Variants in GRM8 observed in about 807,000 individuals in gnomAD.
The protein encoded by GRM8 is metabotropic glutamate receptor 8.
In GRM8, 47 loss-of-function variants were observed where a neutral mutation model predicts 87.2. That is an observed-to-expected ratio of 0.54 (90% CI 0.43 to 0.69). GRM8 has a LOEUF of 0.69. GRM8 is among the 30% of genes least tolerant of loss of function. GRM8 has a pLI of 0.00. For synonymous variants in GRM8, 396 were observed against 404.5 expected (o/e 0.98, Z 0.25); for missense variants, 1,019 against 1,139.2 (o/e 0.89, Z 1.52).
intron 3 of GRM8, among the ~76,000 whole-genome samples, chr7:127,053,798 A>AGGGGGG (rs33927872): frequency 5.7e-5 from 6 of 104,400 alleles, no homozygotes; most frequent in Non-Finnish European, 9.2e-5. Flanking sequence ...AAAAAAAAAA[A>AGGGGGG]GGGGGGGGGG....
In GRM8 at chr7:127,029,661, CT is replaced by C. The variant is rs5887322; in HGVS notation, c.727+76834del. Among the ~76,000 whole-genome samples the C allele has an allele frequency of 7.4e-5, 11 of 148,602 alleles. No homozygotes were observed. The East Asian group carries it at 1.4e-3, about 19-fold the overall frequency. On this transcript the variant is annotated intron_variant, in intron 3 of 10. Coordinates refer to ENST00000339582, the MANE Select transcript of GRM8 (RefSeq NM_000845.3). ...TCAGAGACCAGGATTGCAACCTCTG[CT>C]TTTTTTTTTCTTTCCATTTGCTTGG...
intron 1 of GRM8, among the ~76,000 whole-genome samples, chr7:127,249,483 A>G (rs7777222): frequency 0.18 from 27,788 of 152,158 alleles, 2,867 homozygotes; most frequent in Middle Eastern, 0.36. Context: ...GCCAGAGCAG[A>G]GAGCTAGGAG....
intron 8 of GRM8, among the ~76,000 whole-genome samples, chr7:126,586,114 C>A (rs1585130878): frequency 6.6e-6 from 1 of 151,972 alleles, no homozygotes; most frequent in East Asian, 1.9e-4. Flanking sequence ...CCTAGGAATC[C>A]AACTTACAAG....
chr7:126,709,298 C>T (rs1338442398), intron 7 of GRM8, among the ~76,000 whole-genome samples: 1 of 152,080 alleles, frequency 6.6e-6, no homozygotes. Context: ...TAGCTCATGC[C>T]TGTAATCCCA....
chr7:127,012,028 A>C (rs1256276400), intron 3 of GRM8, among the ~76,000 whole-genome samples: 1 of 152,186 alleles, frequency 6.6e-6, no homozygotes, highest in Non-Finnish European at 1.5e-5. Context: ...ATTTGGTGTC[A>C]AAGAGACTGA....
At chr7:127,015,053 A>G (rs1481279501) in intron 3 of GRM8, among the ~76,000 whole-genome samples, 1 of 124,832 alleles carries the variant, frequency 8.0e-6, no homozygotes, top group South Asian at 2.8e-4. Context: ...GAAGAAGAAG[A>G]AGAAGAAGAA....
At chr7:126,700,261 T>C (rs1375135764) in intron 7 of GRM8, among the ~76,000 whole-genome samples, 1 of 152,126 alleles carries the variant, frequency 6.6e-6, no homozygotes. Context: ...CAGATACTGG[T>C]ATCTGAAAGA....
chr7:126,738,842 AAGG>A (rs1233303001), intron 7 of GRM8, among the ~76,000 whole-genome samples: 1 of 151,280 alleles, frequency 6.6e-6, no homozygotes, highest in Non-Finnish European at 1.5e-5. Context: ...GAAGGAAAAA[AAGG>A]AGGAGGGGGA....
chr7:126,819,961 C>T (rs1205896435), intron 6 of GRM8, among the ~76,000 whole-genome samples: 1 of 152,124 alleles, frequency 6.6e-6, no homozygotes, highest in African/African-American at 2.4e-5. Flanking sequence ...CTGTCTAATA[C>T]AGTAGCTTCT....
intron 3 of GRM8, among the ~76,000 whole-genome samples, chr7:126,964,742 A>T (rs950158427): frequency 2.0e-5 from 3 of 152,342 alleles, no homozygotes; most frequent in African/African-American, 7.2e-5. Context: ...ATTGTGGAAG[A>T]CAGTGTGGCA....
intron 7 of GRM8, among the ~76,000 whole-genome samples, chr7:126,637,451 T>C (rs1382785196): frequency 1.3e-5 from 2 of 152,104 alleles, no homozygotes; most frequent in African/African-American, 2.4e-5. Flanking sequence ...TATTCTGTTA[T>C]GTATATTTTA....
chr7:126,939,164 T>C lies in GRM8; in HGVS notation c.728-34481A>G, dbSNP rs532663123. On this transcript the variant is annotated intron_variant, in intron 3 of 10. Transcript: ENST00000339582. ...TTTCTCAGGTTGGCAAGCCATAAAATGCCCAGTGCCTTGAGTTTTAATGAA... is the reference window on the plus strand; with the variant it reads ...TTTCTCAGGTTGGCAAGCCATAAAACGCCCAGTGCCTTGAGTTTTAATGAA... 2.0e-4 allele frequency among the ~76,000 whole-genome samples: 30 copies of C among 152,304 alleles called. No homozygotes were observed. The South Asian group carries it at 6.2e-3, about 32-fold the overall frequency.
At chr7:127,216,343 C>T (rs1041777883) in intron 2 of GRM8, among the ~76,000 whole-genome samples, 2 of 151,708 alleles carry the variant, frequency 1.3e-5, no homozygotes, top group African/African-American at 4.8e-5. Context: ...ACAGTGAAAC[C>T]CTGTCTCTAC....
chr7:126,523,656 C>T (rs1011936328), intron 9 of GRM8, among the ~76,000 whole-genome samples: 1 of 152,014 alleles, frequency 6.6e-6, no homozygotes, highest in African/African-American at 2.4e-5. Flanking sequence ...TGCAATCATG[C>T]CAGGCTAATT....
At chr7:126,543,847 G>C (rs1816821230) in intron 8 of GRM8, among the ~76,000 whole-genome samples, 1 of 152,172 alleles carries the variant, frequency 6.6e-6, no homozygotes, top group Non-Finnish European at 1.5e-5. Flanking sequence ...GTAAAAACAT[G>C]ATCAAATGGT....
At chr7:126,826,786 T>C (rs1794846770) in intron 6 of GRM8, among the ~76,000 whole-genome samples, 1 of 152,180 alleles carries the variant, frequency 6.6e-6, no homozygotes. Context: ...CATGAAGTCC[T>C]TGCCCATGCC....
chr7:127,112,775 A>G (rs912858374), intron 2 of GRM8, among the ~76,000 whole-genome samples: 1 of 152,220 alleles, frequency 6.6e-6, no homozygotes, highest in African/African-American at 2.4e-5. Context: ...AGGGAAGCTT[A>G]CAACTGCCAC....
chr7:126,915,563 C>T (rs1054585557), intron 3 of GRM8, among the ~76,000 whole-genome samples: 1 of 152,160 alleles, frequency 6.6e-6, no homozygotes, highest in Admixed American at 6.5e-5. Flanking sequence ...AACTTATGCT[C>T]ACCACAATAG....
chr7:126,710,185 A>T (rs1391903667), intron 7 of GRM8, among the ~76,000 whole-genome samples: 1 of 152,186 alleles, frequency 6.6e-6, no homozygotes, highest in East Asian at 1.9e-4. Context: ...GCAAATCATA[A>T]TCTTTTGGCT....
Sources: allele counts gnomAD v4.1 joint callset (sites outside exome capture counted in the v4.1 genomes callset), GRCh38; gene constraint gnomAD v4.1.1; transcripts MANE v1.5; gene names NCBI Gene and HGNC (gene_info 2026-07-23, HGNC 2026-07-21).